Variants in PARN observed in about 807,000 individuals in gnomAD.
PARN encodes the protein poly(A)-specific ribonuclease, also known as poly(A)-specific ribonuclease PARN.
PARN carries 71 observed loss-of-function variants against 102.8 expected under a neutral mutation model. That is an observed-to-expected ratio of 0.69 (90% CI 0.57 to 0.84). The LOEUF (loss-of-function observed/expected upper bound fraction) is 0.84. Ranked by LOEUF, PARN falls within the 40% of genes least tolerant of loss-of-function variation. The pLI is 0.00. For missense variants in PARN, 782 were observed against 760.9 expected (o/e 1.03, Z -0.33); for synonymous variants, 261 against 252.9 (o/e 1.03, Z -0.30).
intron 5 of PARN, among the ~76,000 whole-genome samples, chr16:14,622,690 T>A (rs1175898663): frequency 6.6e-6 from 1 of 152,168 alleles, no homozygotes; most frequent in Non-Finnish European, 1.5e-5. Context: ...GTATTTTTAG[T>A]AGAGACGGGG....
Position 14,436,573 on chromosome 16 carries a change from T to C in PARN, c.*144A>G. 1 of 628,812 alleles carries C rather than the reference T, an allele frequency of 1.6e-6. No individual in the cohort carries two copies. The highest frequency in any genetic ancestry group is 2.8e-6 in the Non-Finnish European group (1 of 351,712). The allele number at this position is 628,812 out of a possible 1,614,324, so 39.0% of individuals were successfully genotyped here. On this transcript the variant is annotated 3_prime_UTR_variant, in exon 24 of 24. Transcript: ENST00000437198. ...ACCACAGCCACAAAAATAAAACCTG[T>C]TTTCTCCCCCCCAGGAGACAACTTG...
At chr16:14,475,158 C>T (rs1420175562) in intron 22 of PARN, among the ~76,000 whole-genome samples, 1 of 152,162 alleles carries the variant, frequency 6.6e-6, no homozygotes, top group Non-Finnish European at 1.5e-5. Flanking sequence ...TGAGATAAAC[C>T]AAAGAGCAAG....
rs1967506414 is a variant in PARN, at chr16:14,554,150, CACT to C, written c.1319-2_1319del. 6.2e-7 allele frequency: 1 copy of C among 1,602,358 alleles called. No homozygotes were observed. On this transcript the variant is annotated splice_acceptor_variant and coding_sequence_variant, in exon 20 of 24. Transcript: ENST00000437198. LOFTEE classifies it high-confidence loss of function. Reference sequence around the variant, plus strand: ...GGAGAACATGATCACGTTTAGGCTGCACTACAAGACAAATTTATGATGAAATAT... The same window carrying C: ...GGAGAACATGATCACGTTTAGGCTGCACAAGACAAATTTATGATGAAATAT...
At chr16:14,545,467 A>T (rs1355009334) in intron 21 of PARN, among the ~76,000 whole-genome samples, 3 of 151,654 alleles carry the variant, frequency 2.0e-5, no homozygotes, top group African/African-American at 7.2e-5. Context: ...AACTTTTCCA[A>T]CTTAATGATA....
intron 21 of PARN, among the ~76,000 whole-genome samples, chr16:14,551,726 CA>C (rs1314245389): frequency 6.6e-6 from 1 of 152,090 alleles, no homozygotes; most frequent in Non-Finnish European, 1.5e-5. Flanking sequence ...TTCTCATTCT[CA>C]AAGTAAATCT....
chr16:14,573,419 TACTA>T (rs1205461690), intron 18 of PARN, among the ~76,000 whole-genome samples: 1 of 152,180 alleles, frequency 6.6e-6, no homozygotes, highest in African/African-American at 2.4e-5. Flanking sequence ...AATTTATTCC[TACTA>T]ACTGAAATTT....
At chr16:14,596,341 T>A (rs1596798199) in intron 12 of PARN, among the ~76,000 whole-genome samples, 1 of 151,130 alleles carries the variant, frequency 6.6e-6, no homozygotes, top group African/African-American at 2.4e-5. Context: ...AGCAACAAAG[T>A]AAACAGTAAA....
intron 21 of PARN, among the ~76,000 whole-genome samples, chr16:14,494,497 A>G (rs948669320): frequency 6.6e-6 from 1 of 152,196 alleles, no homozygotes; most frequent in Non-Finnish European, 1.5e-5. Context: ...GAGAGCAGGT[A>G]GTGTAGAAAT....
In PARN at chr16:14,505,539, T is replaced by C. The variant is rs1254630626; in HGVS notation, c.1481-22712A>G. Among the ~76,000 whole-genome samples, 6 of 152,104 alleles carry C rather than the reference T, an allele frequency of 3.9e-5. No individual in the cohort carries two copies. In the East Asian group the frequency reaches 1.2e-3, roughly 29 times the overall value. On this transcript the variant is annotated intron_variant, in intron 21 of 23. Coordinates refer to ENST00000437198, the MANE Select transcript of PARN (RefSeq NM_002582.4). ...AAACTGTACAACAAATTGGGACAAG[T>C]ATTTGCAAAATACAAAACTCAGGAT...
intron 18 of PARN, among the ~76,000 whole-genome samples, chr16:14,560,659 C>T (rs1379558427): frequency 6.6e-6 from 1 of 152,166 alleles, no homozygotes; most frequent in Non-Finnish European, 1.5e-5. Context: ...GGCTTTCAAA[C>T]AAGTCTGGAA....
At chr16:14,598,544 T>A (rs1970666977) in intron 12 of PARN, among the ~76,000 whole-genome samples, 1 of 152,176 alleles carries the variant, frequency 6.6e-6, no homozygotes, top group South Asian at 2.1e-4. Context: ...GTGCACAACA[T>A]GAGCAAATGG....
intron 22 of PARN, among the ~76,000 whole-genome samples, chr16:14,467,887 G>A (rs1287251819): frequency 6.6e-6 from 1 of 152,210 alleles, no homozygotes; most frequent in African/African-American, 2.4e-5. Context: ...CAGTGAGTGG[G>A]AAGACATGTT....
At chr16:14,554,350 C>T (rs1967522655) in intron 19 of PARN, among the ~76,000 whole-genome samples, 199 bp from the exon 20 acceptor site, 1 of 152,160 alleles carries the variant, frequency 6.6e-6, no homozygotes, top group Admixed American at 6.5e-5. Context: ...TGATACTTTA[C>T]AGAACCCACA....
At chr16:14,464,953 A>G (rs1458955757) in intron 22 of PARN, among the ~76,000 whole-genome samples, 1 of 152,196 alleles carries the variant, frequency 6.6e-6, no homozygotes, top group East Asian at 1.9e-4. Flanking sequence ...TTGCCATAAG[A>G]CATGGTTGAC....
At chr16:14,442,377 G>A (rs1427592347) in intron 23 of PARN, among the ~76,000 whole-genome samples, 3 of 152,076 alleles carry the variant, frequency 2.0e-5, no homozygotes, top group Non-Finnish European at 2.9e-5. Context: ...TTTCCTTTGC[G>A]TACCGAGTAT....
At chr16:14,510,686 T>G (rs1440834011) in intron 21 of PARN, among the ~76,000 whole-genome samples, 1 of 151,840 alleles carries the variant, frequency 6.6e-6, no homozygotes, top group Non-Finnish European at 1.5e-5. Context: ...GCCAGAGAAG[T>G]GTGTTTTGAG....
chr16:14,451,976 TG>T (rs1280687746), intron 22 of PARN, among the ~76,000 whole-genome samples: 2 of 148,954 alleles, frequency 1.3e-5, no homozygotes, highest in Non-Finnish European at 3.0e-5. Flanking sequence ...TGCTTGAGTC[TG>T]GGAGTTTGAG....
intron 21 of PARN, among the ~76,000 whole-genome samples, chr16:14,492,650 C>CT (rs1964120214): frequency 6.6e-6 from 1 of 152,242 alleles, no homozygotes; most frequent in South Asian, 2.1e-4. Context: ...ACACTGGCCA[C>CT]TGTTCCCATG....
intron 23 of PARN, among the ~76,000 whole-genome samples, chr16:14,442,417 C>G (rs2151551239): frequency 6.6e-6 from 1 of 152,262 alleles, no homozygotes; most frequent in Middle Eastern, 3.4e-3. Context: ...TGGAAAGTGG[C>G]TGGCACTACC....
Sources: gnomAD v4.1 joint callset for allele counts (sites outside exome capture counted in the v4.1 genomes callset) on GRCh38, gnomAD v4.1.1 for gene constraint, MANE v1.5 for transcripts, NCBI Gene and HGNC (gene_info 2026-07-23, HGNC 2026-07-21) for gene names.